Variants in ZBTB37 observed in about 807,000 individuals in gnomAD.
The protein encoded by ZBTB37 is zinc finger and BTB domain containing 37, also known as zinc finger and BTB domain-containing protein 37.
A neutral mutation model predicts 37.7 loss-of-function variants in ZBTB37; 15 were observed. That is an observed-to-expected ratio of 0.40 (90% CI 0.27 to 0.61). ZBTB37 has a LOEUF of 0.61. ZBTB37 is among the 20% of genes least tolerant of loss of function. The pLI is 0.44. For missense variants in ZBTB37, 514 were observed against 641.9 expected (o/e 0.80, Z 2.15); for synonymous variants, 231 against 220.6 (o/e 1.05, Z -0.42).
rs141593067 is a variant in ZBTB37 at position 173,870,870 on chromosome 1, C to T, written c.645C>T (p.Asn215=). ...GCCGGGAGCCCATTCTTCGGATCAA[C>T]CGAGCAGGACAGTGGTATGTGGAGA... Residue 215 remains asparagine (N), a synonymous_variant, in exon 3 of 5, where the codon AAC becomes AAT. Coordinates refer to ENST00000427304, the Ensembl canonical transcript of ZBTB37. 8.6e-4 allele frequency: 1,383 copies of T among 1,614,110 alleles called. 4 individuals carry two copies. Among genetic ancestry groups the T allele is most frequent in the Admixed American group, 1.5e-3 (93 of 60,006 alleles).
chr1:173,872,632 C>G (rs1260272214), intron 3 of ZBTB37, among the ~76,000 whole-genome samples: 4 of 152,204 alleles, frequency 2.6e-5, no homozygotes, highest in Non-Finnish European at 4.4e-5. Context: ...TCTCACAAAT[C>G]ACCAAAGAAC....
In ZBTB37 at chr1:173,881,641, G is replaced by A. The variant is rs190221655; in HGVS notation, c.1024-3995G>A. ...GTTGTTTCCTGACTTTTCAATGATCGCCATTCTAACTGGTGTGAGATGGTA... is the reference window on the plus strand; with the variant it reads ...GTTGTTTCCTGACTTTTCAATGATCACCATTCTAACTGGTGTGAGATGGTA... On this transcript the variant is annotated intron_variant, in intron 4 of 4. Coordinates refer to ENST00000427304, the Ensembl canonical transcript of ZBTB37. Among the ~76,000 whole-genome samples the A allele has an allele frequency of 1.2e-3, 188 of 152,228 alleles. 1 individual carries two copies. The highest frequency in any genetic ancestry group is 6.8e-3 in the Middle Eastern group (2 of 294).
intron 4 of ZBTB37, among the ~76,000 whole-genome samples, chr1:173,878,455 A>G (rs551804463): frequency 6.6e-5 from 10 of 152,242 alleles, no homozygotes; most frequent in African/African-American, 1.7e-4. Context: ...GAGTCAGCCT[A>G]TGTTACAGAA....
intron 3 of ZBTB37, among the ~76,000 whole-genome samples, chr1:173,872,868 G>A (rs1394737004): frequency 2.0e-5 from 3 of 151,888 alleles, no homozygotes; most frequent in Admixed American, 1.3e-4. Flanking sequence ...TTAGCTGAGC[G>A]TGGTGGCACG....
intron 4 of ZBTB37, among the ~76,000 whole-genome samples, chr1:173,875,261 C>T (rs1263552901): frequency 6.6e-6 from 1 of 150,704 alleles, no homozygotes; most frequent in African/African-American, 2.4e-5. Flanking sequence ...AGTATACACA[C>T]ACACACAGTT....
exon 5 of ZBTB37, chr1:173,886,532 A>T (rs1656633525): frequency 6.2e-6 from 1 of 160,456 alleles, no homozygotes; most frequent in South Asian, 1.8e-4. Flanking sequence ...AGCCTCAACC[A>T]TCCGAAGCAG....
At chr1:173,870,497 G>A (rs748268301) in exon 3 of ZBTB37, 9 of 1,614,082 alleles carry the variant, frequency 5.6e-6, no homozygotes, top group Admixed American at 3.3e-5. Context: ...TACACAGGGC[G>A]GATATGCCTG....
chr1:173,901,829 G>A (rs1220870520), exon 4 of ZBTB37: 1 of 152,260 alleles, frequency 6.6e-6, no homozygotes, highest in African/African-American at 2.4e-5. Flanking sequence ...AGGGTTCAAA[G>A]ACAGAAAAGT....
exon 4 of ZBTB37, chr1:173,894,257 T>G (rs1029945477): frequency 1.3e-5 from 2 of 152,212 alleles, no homozygotes; most frequent in African/African-American, 4.8e-5. Context: ...TAATTAAAAT[T>G]AAGTAATTTT....
At chr1:173,890,653 C>T (rs1656806222), downstream of ZBTB37, 1 of 152,178 alleles carries the variant, frequency 6.6e-6, no homozygotes, top group Admixed American at 6.5e-5. Flanking sequence ...AAGATGTCCT[C>T]AGCAAAATAT....
At chr1:173,892,656 ATTATCT>A (rs1210097830) in exon 4 of ZBTB37, 1 of 152,118 alleles carries the variant, frequency 6.6e-6, no homozygotes, top group Non-Finnish European at 1.5e-5. Context: ...TGAAACCCCC[ATTATCT>A]TTATAGAGGG....
At chr1:173,894,979 T>C (rs767568404) in exon 4 of ZBTB37, 3 of 152,212 alleles carry the variant, frequency 2.0e-5, no homozygotes, top group Admixed American at 2.0e-4. Flanking sequence ...ATTTATCTTA[T>C]AGCAAAATTT....
At chr1:173,873,658 G>A (rs780175561) in intron 4 of ZBTB37, 92 bp downstream of exon 4, 1 of 1,552,452 alleles carries the variant, frequency 6.4e-7, no homozygotes, top group Admixed American at 1.9e-5. Context: ...AGATGTAGGA[G>A]AGGTAACAAT....
At chr1:173,894,520 T>C (rs552821958) in exon 4 of ZBTB37, 2 of 152,222 alleles carry the variant, frequency 1.3e-5, no homozygotes, top group Non-Finnish European at 2.9e-5. Context: ...GGACTCTCCA[T>C]GTGTTCTCTT....
At chr1:173,878,242 C>A (rs542544647) in intron 4 of ZBTB37, among the ~76,000 whole-genome samples, 4 of 152,168 alleles carry the variant, frequency 2.6e-5, no homozygotes, top group African/African-American at 9.7e-5. Context: ...TACAATTTTT[C>A]CTAATTCTCT....
chr1:173,877,093 T>C (rs1656017149), intron 4 of ZBTB37, among the ~76,000 whole-genome samples: 2 of 152,168 alleles, frequency 1.3e-5, no homozygotes, highest in African/African-American at 4.8e-5. Context: ...ATAGAAACGA[T>C]AGTGTAAAAA....
At position 173,870,723 on chromosome 1, in the gene ZBTB37, A is replaced by G. The variant is rs1655493232; in HGVS notation, c.498A>G (p.Arg166=). The change falls in exon 3 of 5, where the codon CGA becomes CGG. Residue 166 remains arginine, a synonymous_variant. Coordinates refer to ENST00000427304, the Ensembl canonical transcript of ZBTB37. ...ATCTCAACCGCTCCCTTAGCCCACG[A>G]CATAATACCCCAAAGGGAAACCGGC... is the stretch of plus-strand genomic sequence containing the variant. 5.0e-6 allele frequency: 8 copies of G among 1,614,098 alleles called. No individual in the cohort carries two copies. The East Asian group carries it at 1.3e-4, about 27-fold the overall frequency.
At chr1:173,896,825 CAG>C (rs1285057084) in exon 4 of ZBTB37, 1 of 152,034 alleles carries the variant, frequency 6.6e-6, no homozygotes, top group Non-Finnish European at 1.5e-5. Flanking sequence ...ACTGAAAAAA[CAG>C]AATTGCAGTG....
chr1:173,873,563 C>T, exon 4 of ZBTB37: 1 of 1,613,960 alleles, frequency 6.2e-7, no homozygotes, highest in Admixed American at 1.7e-5. Flanking sequence ...AACCCAGCTC[C>T]CAGGTATGGA....
Sources: allele counts gnomAD v4.1 joint callset (sites outside exome capture counted in the v4.1 genomes callset), GRCh38; gene constraint gnomAD v4.1.1; transcripts MANE v1.5; gene names NCBI Gene and HGNC (gene_info 2026-07-23, HGNC 2026-07-21).